Variants in CDH13 observed in about 807,000 individuals in gnomAD.
CDH13 encodes cadherin-13.
CDH13 carries 24 observed loss-of-function variants against 63.8 expected under a neutral mutation model. The observed-to-expected ratio is 0.38, with a 90% CI of 0.27 to 0.53. The LOEUF (loss-of-function observed/expected upper bound fraction) is 0.53. CDH13 is among the 20% of genes least tolerant of loss of function. The probability of loss-of-function intolerance (pLI) is 0.85; values close to 1 mark genes in which losing one functional copy is unlikely to be tolerated. For synonymous variants in CDH13, 503 were observed against 355.3 expected (o/e 1.42, Z -4.67); for missense variants, 1,049 against 903.1 (o/e 1.16, Z -2.07).
chr16:82,791,281 G>C (rs1016144244), intron 1 of CDH13, among the ~76,000 whole-genome samples: 1 of 151,728 alleles, frequency 6.6e-6, no homozygotes, highest in Non-Finnish European at 1.5e-5. Context: ...AGCTGGGGAA[G>C]GTGACCACAC....
At chr16:83,256,098 A>G (rs12598677) in intron 5 of CDH13, among the ~76,000 whole-genome samples, 39,048 of 152,126 alleles carry the variant, frequency 0.26, 5,234 homozygotes, top group East Asian at 0.42. Context: ...CAGTGGCACC[A>G]TCTTTGCTCA....
At position 83,473,244 on chromosome 16, in the gene CDH13, C is replaced by T. The variant is rs538964867; in HGVS notation, c.782-13233C>T. ...CATTGCTCGCATCAATCACAGGCAG[C>T]CGACTTCCCAGCCATGAAACAACAG... On this transcript the variant is annotated intron_variant, in intron 6 of 13. Transcript: ENST00000567109. 2.0e-5 allele frequency among the ~76,000 whole-genome samples: 3 copies of T among 152,318 alleles called. No individual in the cohort carries two copies. The South Asian group carries it at 6.2e-4, about 32-fold the overall frequency.
At chr16:83,602,082 C>CAAAAAAAAAAAA (rs576973198) in intron 7 of CDH13, among the ~76,000 whole-genome samples, 5 of 32,292 alleles carry the variant, frequency 1.5e-4, no homozygotes, top group African/African-American at 3.2e-4. Flanking sequence ...GACTCTGTCT[C>CAAAAAAAAAAAA]AAAAAAAAAA....
intron 1 of CDH13, among the ~76,000 whole-genome samples, chr16:82,667,434 A>G (rs1381713549): frequency 6.6e-6 from 1 of 152,112 alleles, no homozygotes; most frequent in African/African-American, 2.4e-5. Context: ...GTGTGGGGAG[A>G]TGAAATAATT....
intron 11 of CDH13, among the ~76,000 whole-genome samples, chr16:83,755,375 G>GA (rs930721183): frequency 4.6e-5 from 7 of 151,104 alleles, no homozygotes; most frequent in Admixed American, 6.6e-5. Flanking sequence ...TAATGGAGCA[G>GA]AAAAAAAAAT....
At chr16:82,878,248 C>T (rs528410709) in intron 2 of CDH13, among the ~76,000 whole-genome samples, 2 of 151,976 alleles carry the variant, frequency 1.3e-5, no homozygotes, top group African/African-American at 2.4e-5. Flanking sequence ...GTTATCTCTA[C>T]CCAAGGCTTA....
chr16:82,657,403 G>GT (rs1911423222), intron 1 of CDH13, among the ~76,000 whole-genome samples: 1 of 152,268 alleles, frequency 6.6e-6, no homozygotes, highest in Admixed American at 6.5e-5. Flanking sequence ...TGGATGATGG[G>GT]TAAGATAGAC....
chr16:83,540,707 T>C (rs1171383865), intron 7 of CDH13, among the ~76,000 whole-genome samples: 2 of 152,200 alleles, frequency 1.3e-5, no homozygotes, highest in Non-Finnish European at 2.9e-5. Context: ...GTAGTAACAG[T>C]AGTAACTGTT....
intron 2 of CDH13, among the ~76,000 whole-genome samples, chr16:82,951,264 A>T (rs918814006): frequency 6.6e-6 from 1 of 152,120 alleles, no homozygotes; most frequent in South Asian, 2.1e-4. Context: ...ACCCCATCCC[A>T]ATCTCTGGAG....
chr16:83,137,343 G>A (rs966163159), intron 4 of CDH13, among the ~76,000 whole-genome samples: 2 of 152,190 alleles, frequency 1.3e-5, no homozygotes, highest in African/African-American at 4.8e-5. Context: ...TGCAGCAATT[G>A]TCCCAGTTCT....
At position 83,508,918 on chromosome 16, in the gene CDH13, T is replaced by G. The variant is rs1277401841; in HGVS notation, c.960+22263T>G. ...TGACCCAGCTGATCTGTTTGTACTT[T>G]CTCATGCTGCTAATGGGTACCTGGA... On this transcript the variant is annotated intron_variant, in intron 7 of 13. Transcript: ENST00000567109. 3.3e-5 allele frequency among the ~76,000 whole-genome samples: 5 copies of G among 152,320 alleles called. No individual in the cohort carries two copies. In the East Asian group the frequency reaches 9.6e-4, roughly 29 times the overall value.
At chr16:82,758,684 G>T (rs1436975883) in intron 1 of CDH13, among the ~76,000 whole-genome samples, 1 of 152,196 alleles carries the variant, frequency 6.6e-6, no homozygotes, top group African/African-American at 2.4e-5. Context: ...CTCTGGAGGG[G>T]TAGTAAATGT....
intron 6 of CDH13, among the ~76,000 whole-genome samples, chr16:83,473,652 A>G (rs577140272): frequency 3.9e-5 from 6 of 152,318 alleles, no homozygotes; most frequent in African/African-American, 9.6e-5. Flanking sequence ...ATGCAGGGCA[A>G]GGTCCTCAAT....
At chr16:82,809,413 G>T (rs1396269505) in intron 1 of CDH13, among the ~76,000 whole-genome samples, 2 of 152,202 alleles carry the variant, frequency 1.3e-5, no homozygotes, top group South Asian at 4.1e-4. Flanking sequence ...ATGCTGCAGG[G>T]TCATTTGACT....
At chr16:83,549,188 A>G (rs1293883611) in intron 7 of CDH13, among the ~76,000 whole-genome samples, 1 of 152,118 alleles carries the variant, frequency 6.6e-6, no homozygotes, top group African/African-American at 2.4e-5. Flanking sequence ...GACGCAGACA[A>G]GCTGTGATGG....
At chr16:82,657,271 A>C (rs554051478) in intron 1 of CDH13, among the ~76,000 whole-genome samples, 1 of 152,346 alleles carries the variant, frequency 6.6e-6, no homozygotes, top group South Asian at 2.1e-4. Context: ...AACAATTATG[A>C]CAATATGTTG....
chr16:83,467,938 G>A (rs2073358367), intron 6 of CDH13, among the ~76,000 whole-genome samples: 1 of 152,186 alleles, frequency 6.6e-6, no homozygotes, highest in African/African-American at 2.4e-5. Context: ...CTTTCTGTGA[G>A]GTAGGATGAG....
intron 3 of CDH13, among the ~76,000 whole-genome samples, chr16:83,104,928 G>C (rs2034690947): frequency 2.0e-5 from 3 of 152,238 alleles, no homozygotes; most frequent in African/African-American, 7.2e-5. Flanking sequence ...TACAAGGGCA[G>C]TGCTCTGCAT....
chr16:83,402,388 C>G (rs748032973), intron 6 of CDH13, among the ~76,000 whole-genome samples: 1 of 152,206 alleles, frequency 6.6e-6, no homozygotes, highest in African/African-American at 2.4e-5. Context: ...GTGTGTTGCT[C>G]TTATCCCACA....
Sources: allele counts gnomAD v4.1 joint callset (sites outside exome capture counted in the v4.1 genomes callset), GRCh38; gene constraint gnomAD v4.1.1; transcripts MANE v1.5; gene names NCBI Gene and HGNC (gene_info 2026-07-23, HGNC 2026-07-21).